Variants in CRYL1 observed in about 807,000 individuals in gnomAD.
CRYL1 encodes the protein crystallin lambda 1.
Under a neutral mutation model 36.6 loss-of-function variants are expected in CRYL1, and 29 were observed. The observed-to-expected ratio is 0.79, with a 90% CI of 0.59 to 1.08. CRYL1 has a LOEUF of 1.08. Among genes scored for constraint, CRYL1 ranks in the 50% least tolerant of loss-of-function variants. The pLI is 0.00. For missense variants in CRYL1, 411 were observed against 407.9 expected, an observed-to-expected ratio of 1.01 and a Z score of -0.06; for synonymous variants, 152 against 151.5, an observed-to-expected ratio of 1.00 and a Z score of -0.02.
At chr13:20,452,237 C>T (rs1409850129) in intron 3 of CRYL1, among the ~76,000 whole-genome samples, 1 of 70,866 alleles carries the variant, frequency 1.4e-5, no homozygotes, top group Non-Finnish European at 3.1e-5. Context: ...ACCATCAGAC[C>T]GAATTAAAAA....
chr13:20,497,185 G>C (rs1160577951), intron 2 of CRYL1, among the ~76,000 whole-genome samples: 1 of 151,932 alleles, frequency 6.6e-6, no homozygotes, highest in East Asian at 1.9e-4. Context: ...GAGGCCGTTG[G>C]GGGGTGCTAC....
chr13:20,489,336 C>A, intron 3 of CRYL1, 34 bp downstream of exon 3: 1 of 1,610,302 alleles, frequency 6.2e-7, no homozygotes, highest in Middle Eastern at 1.7e-4. Context: ...ATGTCTCAGG[C>A]CCCACAGATG....
chr13:20,474,338 C>G (rs143675677), intron 3 of CRYL1, among the ~76,000 whole-genome samples: 3 of 152,166 alleles, frequency 2.0e-5, no homozygotes, highest in Non-Finnish European at 4.4e-5. Flanking sequence ...TGCCCTGTCC[C>G]GTCCCCAGCC....
intron 1 of CRYL1, among the ~76,000 whole-genome samples, chr13:20,524,666 C>T (rs991162967): frequency 5.3e-5 from 8 of 152,130 alleles, no homozygotes; most frequent in African/African-American, 1.9e-4. Context: ...GGTGAGCCAC[C>T]GCGCGCGGCC....
intron 3 of CRYL1, among the ~76,000 whole-genome samples, chr13:20,461,943 AT>A (rs2032828071): frequency 2.5e-5 from 1 of 40,188 alleles, no homozygotes. Context: ...TGTGGGAGGG[AT>A]GGGGTGGGAG....
rs574432126 is a variant in CRYL1 at position 20,481,604 on chromosome 13, A to G, written c.276+7766T>C. Reference sequence around the variant, plus strand: ...TATATCTTTGTAAACCTGATTTTACAGTTTTTAAAGAAAAAAACACGTATG... The same window carrying G: ...TATATCTTTGTAAACCTGATTTTACGGTTTTTAAAGAAAAAAACACGTATG... On this transcript the variant is annotated intron_variant, in intron 3 of 7. Transcript: ENST00000298248. The surrounding 1 kb of genome is among the most constrained non-coding windows in gnomAD (Gnocchi z 4.1). Among the ~76,000 whole-genome samples the G allele has an allele frequency of 2.0e-5, 3 of 152,254 alleles. No individual in the cohort carries two copies. Among genetic ancestry groups the G allele is most frequent in the Admixed American group, 2.0e-4 (3 of 15,286 alleles).
At chr13:20,501,686 G>T (rs758980544) in intron 2 of CRYL1, among the ~76,000 whole-genome samples, 1 of 152,184 alleles carries the variant, frequency 6.6e-6, no homozygotes, top group Non-Finnish European at 1.5e-5. Flanking sequence ...TAGCACACTG[G>T]AGGCAAAGAA....
intron 2 of CRYL1, among the ~76,000 whole-genome samples, chr13:20,501,009 G>A (rs909544631): frequency 1.3e-5 from 2 of 151,718 alleles, no homozygotes; most frequent in African/African-American, 4.9e-5. Context: ...TTGCTTCCTT[G>A]CCCCCCCCTA....
Position 20,450,491 on chromosome 13 carries a change from A to G in CRYL1, c.277-10737T>C, listed in dbSNP as rs1398927974. On this transcript the variant is annotated intron_variant, in intron 3 of 7. Coordinates refer to ENST00000298248, the MANE Select transcript of CRYL1 (RefSeq NM_015974.3). ...AGACATAAAACTATGAGAATCCTAG[A>G]AAAAAAAACTAGGAAACACCATTCT... Among the ~76,000 whole-genome samples, 11 of 138,558 alleles carry G rather than the reference A, an allele frequency of 7.9e-5. No homozygotes were observed. The Admixed American group carries it at 9.3e-4, about 12-fold the overall frequency. The allele number at this position is 138,558 out of a possible 152,430, so 90.9% of individuals were successfully genotyped here.
At chr13:20,499,414 C>T (rs1249058528) in intron 2 of CRYL1, among the ~76,000 whole-genome samples, 1 of 148,782 alleles carries the variant, frequency 6.7e-6, no homozygotes, top group African/African-American at 2.5e-5. Context: ...TTTGGGAGGT[C>T]GAGGCGGGTG....
Position 20,521,226 on chromosome 13 carries a change from A to G in CRYL1, c.41+4528T>C, listed in dbSNP as rs1199705273. On this transcript the variant is annotated intron_variant, in intron 1 of 7. Coordinates refer to ENST00000298248, the MANE Select transcript of CRYL1 (RefSeq NM_015974.3). ...GGACCCAAAATACAGAAAAAAAATCAGTAAGAGGCACTATACTTGAAAGAG... is the reference window on the plus strand; with the variant it reads ...GGACCCAAAATACAGAAAAAAAATCGGTAAGAGGCACTATACTTGAAAGAG... Among the ~76,000 whole-genome samples the G allele has an allele frequency of 2.0e-5, 3 of 152,304 alleles. No homozygotes were observed. The East Asian group carries it at 5.8e-4, about 29-fold the overall frequency.
intron 3 of CRYL1, among the ~76,000 whole-genome samples, chr13:20,469,859 C>T (rs1009960870): frequency 2.0e-5 from 3 of 152,124 alleles, no homozygotes; most frequent in African/African-American, 7.2e-5. Context: ...CGATGGACTA[C>T]GACCAGGTAA....
rs530478084 is a variant in CRYL1 at position 20,509,495 on chromosome 13, G to T, written c.149+2948C>A. 3.9e-5 allele frequency among the ~76,000 whole-genome samples: 6 copies of T among 152,136 alleles called. No individual in the cohort carries two copies. In the South Asian group the frequency reaches 1.2e-3, roughly 32 times the overall value. ...CAGAGAGTCGCAGCAAATGCAGAAA[G>T]AAAAAATTTTAAGGCTTCCCCTTTA... On this transcript the variant is annotated intron_variant, in intron 2 of 7. Transcript: ENST00000298248.
intron 5 of CRYL1, among the ~76,000 whole-genome samples, chr13:20,427,859 T>C (rs918662605): frequency 3.3e-5 from 5 of 151,692 alleles, no homozygotes; most frequent in African/African-American, 7.3e-5. Context: ...CCTGCAGCCA[T>C]TGAAAGAATA....
At chr13:20,522,911 CTTTTTT>C (rs386378385) in intron 1 of CRYL1, among the ~76,000 whole-genome samples, 42 of 82,958 alleles carry the variant, frequency 5.1e-4, no homozygotes, top group African/African-American at 1.5e-3. Flanking sequence ...CCCATTTCTA[CTTTTTT>C]TTTTTTTTTT....
chr13:20,410,150 T>C (rs965718436), intron 6 of CRYL1, among the ~76,000 whole-genome samples: 2 of 150,054 alleles, frequency 1.3e-5, no homozygotes, highest in African/African-American at 2.5e-5. Flanking sequence ...CCAACAATGA[T>C]AGACTGGATT....
At chr13:20,404,404 G>A (rs1446324933) in intron 7 of CRYL1, among the ~76,000 whole-genome samples, 162 bp from the exon 8 acceptor site, 1 of 152,150 alleles carries the variant, frequency 6.6e-6, no homozygotes, top group Non-Finnish European at 1.5e-5. Context: ...AAAGACCTCA[G>A]TCCCTCAGAG....
chr13:20,471,151 A>C (rs1241796638), intron 3 of CRYL1, among the ~76,000 whole-genome samples: 1 of 152,154 alleles, frequency 6.6e-6, no homozygotes, highest in East Asian at 1.9e-4. Context: ...GCGTAAATTC[A>C]CGTGAAAGAG....
intron 2 of CRYL1, among the ~76,000 whole-genome samples, chr13:20,493,955 G>A (rs570100804): frequency 2.6e-5 from 4 of 152,146 alleles, no homozygotes; most frequent in Non-Finnish European, 4.4e-5. Context: ...TTACTCCCTC[G>A]CCTGGTATCA....
Sources: gnomAD v4.1 joint callset for allele counts (sites outside exome capture counted in the v4.1 genomes callset) on GRCh38, gnomAD v4.1.1 for gene constraint, Gnocchi (gnomAD v3.1) non-coding constraint, MANE v1.5 for transcripts, NCBI Gene and HGNC (gene_info 2026-07-23, HGNC 2026-07-21) for gene names.